The following NARS2 variants were observed in gnomAD, a reference collection of about 807,000 sequenced individuals.
NARS2 encodes the protein asparaginyl-tRNA synthetase.
Under a neutral mutation model 62.9 loss-of-function variants are expected in NARS2, and 60 were observed. That is an observed-to-expected ratio of 0.95 (90% confidence interval 0.77 to 1.18). The LOEUF (loss-of-function observed/expected upper bound fraction) is 1.18. Among genes scored for constraint, NARS2 ranks in the 50% most tolerant of loss-of-function variants. The probability of loss-of-function intolerance (pLI) is 0.00; values close to 1 mark genes in which losing one functional copy is unlikely to be tolerated. For synonymous variants in NARS2, 196 were observed against 200.0 expected (o/e 0.98, Z 0.17); for missense variants, 619 against 576.4 (o/e 1.07, Z -0.76).
At position 78,520,851 on chromosome 11, in the gene NARS2, T is replaced by A. The variant is rs567769515; in HGVS notation, c.689+7991A>T. The stretch of plus-strand genomic sequence containing the variant: ...CGGGTGGATCACCTGAGGTCAGGAG[T>A]TCGAGAACAGCCTGGCCAACATGAT... On this transcript the variant is annotated intron_variant, in intron 6 of 13. Transcript: ENST00000281038. Among the ~76,000 whole-genome samples the A allele has an allele frequency of 4.0e-5, 6 of 151,192 alleles. No individual in the cohort carries two copies. In the South Asian group the frequency reaches 1.3e-3, roughly 32 times the overall value.
chr11:78,491,067 C>T lies in NARS2; in HGVS notation c.822+1996G>A, dbSNP rs375210217. Among the ~76,000 whole-genome samples, 33 of 152,284 alleles carry T rather than the reference C, an allele frequency of 2.2e-4. No individual in the cohort carries two copies. The South Asian group carries it at 4.3e-3, about 20-fold the overall frequency. The stretch of plus-strand genomic sequence containing the variant: ...GATTAATAAAGAATTAGGGGATGGG[C>T]TCAAGTGAAAGCTACTTAAGGAATG... On this transcript the variant is annotated intron_variant, in intron 7 of 13. Transcript: ENST00000281038.
At position 78,557,994 on chromosome 11, in the gene NARS2, T is replaced by C. The variant is rs374340749; in HGVS notation, c.594+1545A>G. 1.6e-4 allele frequency among the ~76,000 whole-genome samples: 24 copies of C among 152,110 alleles called. No homozygotes were observed. In the East Asian group the frequency reaches 3.5e-3, roughly 22 times the overall value. On this transcript the variant is annotated intron_variant, in intron 5 of 13. Coordinates refer to ENST00000281038, the MANE Select transcript of NARS2 (RefSeq NM_024678.6). ...ACAATTCCTTTTTATTTGTAAAGAC[T>C]CCTTTAAATTATACCTTTTTTTCCC...
intron 6 of NARS2, among the ~76,000 whole-genome samples, chr11:78,522,988 T>G (rs893883217): frequency 6.6e-6 from 1 of 152,048 alleles, no homozygotes; most frequent in African/African-American, 2.4e-5. Context: ...ATCAAGGATG[T>G]GAAAAGAAAA....
chr11:78,562,090 C>CA (rs1259107236), intron 4 of NARS2, among the ~76,000 whole-genome samples: 2 of 152,040 alleles, frequency 1.3e-5, no homozygotes, highest in Non-Finnish European at 2.9e-5. Context: ...CACAGGAACT[C>CA]AAAGGCATAG....
intron 5 of NARS2, among the ~76,000 whole-genome samples, chr11:78,532,990 G>A (rs1861534784): frequency 6.6e-6 from 1 of 152,158 alleles, no homozygotes; most frequent in East Asian, 1.9e-4. Flanking sequence ...TTTTTTCTGG[G>A]TGGCCAGTCT....
chr11:78,541,333 CTTT>C (rs748977121), intron 5 of NARS2, among the ~76,000 whole-genome samples: 3 of 141,738 alleles, frequency 2.1e-5, no homozygotes, highest in Admixed American at 7.1e-5. Flanking sequence ...AGTCATGTCA[CTTT>C]TTTTTTTTTT....
chr11:78,549,603 C>T (rs1407682597), intron 5 of NARS2, among the ~76,000 whole-genome samples: 2 of 152,280 alleles, frequency 1.3e-5, no homozygotes, highest in African/African-American at 2.4e-5. Context: ...CAAACTCAAA[C>T]GCTGCCCTTG....
At chr11:78,521,557 G>A (rs1165337621) in intron 6 of NARS2, among the ~76,000 whole-genome samples, 3 of 152,186 alleles carry the variant, frequency 2.0e-5, no homozygotes, top group Middle Eastern at 3.4e-3. Context: ...TTGGGAGGCC[G>A]AGGCGAGCGG....
In NARS2 at chr11:78,480,822, CT is replaced by C. The variant is rs1357342801; in HGVS notation, c.823-2140del. On this transcript the variant is annotated intron_variant, in intron 7 of 13. Transcript: ENST00000281038. Reference sequence around the variant, plus strand: ...AAAAAGGGGAGAAATGTTTAACTTTCTTTTTTTTTTTTCTAAGACAGAGTCT... The same window carrying C: ...AAAAAGGGGAGAAATGTTTAACTTTCTTTTTTTTTTTCTAAGACAGAGTCT... 6.3e-4 allele frequency among the ~76,000 whole-genome samples: 92 copies of C among 145,304 alleles called. 1 individual carries two copies. The highest frequency in any genetic ancestry group is 3.6e-3 in the Middle Eastern group (1 of 274).
intron 5 of NARS2, among the ~76,000 whole-genome samples, chr11:78,541,028 G>A (rs545135018): frequency 4.6e-5 from 7 of 152,086 alleles, no homozygotes; most frequent in East Asian, 1.9e-4. Flanking sequence ...GCGTGGTGGC[G>A]CACGCCTGTA....
intron 11 of NARS2, among the ~76,000 whole-genome samples, chr11:78,460,750 T>C (rs1858362632): frequency 6.6e-6 from 1 of 152,184 alleles, no homozygotes; most frequent in Non-Finnish European, 1.5e-5. Context: ...GTGTTTGAGA[T>C]GCCTTTGAGA....
chr11:78,440,968 G>T, intron 13 of NARS2, 123 bp downstream of exon 13: 1 of 832,300 alleles, frequency 1.2e-6, no homozygotes, highest in Non-Finnish European at 1.9e-6. Flanking sequence ...CCTGACCTAA[G>T]AACAGTTAAG....
intron 5 of NARS2, among the ~76,000 whole-genome samples, chr11:78,540,522 T>C (rs1855571203): frequency 2.6e-5 from 4 of 152,208 alleles, no homozygotes. Flanking sequence ...ACACCCAATC[T>C]ATTTTTATCT....
intron 5 of NARS2, among the ~76,000 whole-genome samples, chr11:78,552,180 GTTTC>G (rs1590854063): frequency 6.6e-6 from 1 of 152,102 alleles, no homozygotes; most frequent in African/African-American, 2.4e-5. Flanking sequence ...AGTGTCTGTT[GTTTC>G]TTTCTTTGTG....
chr11:78,540,901 G>A (rs1054979704), intron 5 of NARS2, among the ~76,000 whole-genome samples: 2 of 151,968 alleles, frequency 1.3e-5, no homozygotes, highest in Non-Finnish European at 2.9e-5. Flanking sequence ...TTTCACGCCT[G>A]TAATCCCAGC....
chr11:78,504,103 A>C (rs1329707950), intron 6 of NARS2, among the ~76,000 whole-genome samples: 1 of 152,062 alleles, frequency 6.6e-6, no homozygotes, highest in Non-Finnish European at 1.5e-5. Context: ...TTCTGAGATA[A>C]CTCTTTCTAC....
At chr11:78,476,360 C>T (rs1264874788) in intron 9 of NARS2, among the ~76,000 whole-genome samples, 1 of 152,200 alleles carries the variant, frequency 6.6e-6, no homozygotes, top group Non-Finnish European at 1.5e-5. Flanking sequence ...TAGGAAGCAT[C>T]ACAGAATGCT....
chr11:78,571,763 C>A (rs777193276), intron 1 of NARS2: 4 of 218,786 alleles, frequency 1.8e-5, no homozygotes. Flanking sequence ...CCTCCCAGAG[C>A]CCTGCCCTCT....
intron 6 of NARS2, among the ~76,000 whole-genome samples, chr11:78,508,511 C>T (rs1344937587): frequency 6.6e-6 from 1 of 151,648 alleles, no homozygotes; most frequent in East Asian, 1.9e-4. Flanking sequence ...ATCACTTGAA[C>T]CCAAGAGGCA....
Sources: allele counts gnomAD v4.1 joint callset (sites outside exome capture counted in the v4.1 genomes callset), GRCh38; gene constraint gnomAD v4.1.1; transcripts MANE v1.5; gene names NCBI Gene and HGNC (gene_info 2026-07-23, HGNC 2026-07-21).